Variants in CDKAL1 observed in about 807,000 individuals in gnomAD.
CDKAL1 encodes CDKAL1 threonylcarbamoyladenosine tRNA methylthiotransferase.
In CDKAL1, 32 loss-of-function variants were observed where a neutral mutation model predicts 68.2. The observed-to-expected ratio is 0.47, with a 90% confidence interval of 0.35 to 0.63. The LOEUF (loss-of-function observed/expected upper bound fraction) is 0.63, where lower values mean the gene tolerates loss of function less well. Ranked by LOEUF, CDKAL1 falls within the 30% of genes least tolerant of loss-of-function variation. The probability of loss-of-function intolerance (pLI) is 0.00; values close to 1 mark genes in which losing one functional copy is unlikely to be tolerated. For synonymous variants in CDKAL1, 234 were observed against 244.3 expected (o/e 0.96, Z 0.39); for missense variants, 606 against 696.7 (o/e 0.87, Z 1.47).
intron 9 of CDKAL1, among the ~76,000 whole-genome samples, chr6:20,853,032 A>T (rs1170033472): frequency 6.6e-6 from 1 of 152,240 alleles, no homozygotes; most frequent in African/African-American, 2.4e-5. Flanking sequence ...CCCTTGTAGC[A>T]TGAAAGCAGC....
At chr6:21,117,097 AC>A (rs1774450861) in intron 13 of CDKAL1, among the ~76,000 whole-genome samples, 1 of 151,884 alleles carries the variant, frequency 6.6e-6, no homozygotes, top group Non-Finnish European at 1.5e-5. Flanking sequence ...CTTGATACAT[AC>A]CCTGCCCCAA....
chr6:20,694,299 TC>T (rs1771018045), intron 5 of CDKAL1, among the ~76,000 whole-genome samples: 1 of 152,162 alleles, frequency 6.6e-6, no homozygotes, highest in African/African-American at 2.4e-5. Context: ...TGCCTCGGCC[TC>T]CCAAAGTGCT....
intron 6 of CDKAL1, among the ~76,000 whole-genome samples, chr6:20,754,352 G>A (rs1356569651): frequency 6.6e-6 from 1 of 151,928 alleles, no homozygotes; most frequent in African/African-American, 2.4e-5. Flanking sequence ...TTTCAGTAGT[G>A]GTAAACTACA....
intron 13 of CDKAL1, among the ~76,000 whole-genome samples, chr6:21,109,186 C>T (rs184031921): frequency 6.6e-6 from 1 of 152,304 alleles, no homozygotes; most frequent in Non-Finnish European, 1.5e-5. Flanking sequence ...AAATAGATTA[C>T]AAGGTTTCAG....
At chr6:20,951,929 C>T (rs1764542466) in intron 9 of CDKAL1, among the ~76,000 whole-genome samples, 1 of 148,668 alleles carries the variant, frequency 6.7e-6, no homozygotes. Flanking sequence ...TATCTTAGTT[C>T]TTCCTGCTTT....
chr6:20,884,725 C>G (rs1470475816), intron 9 of CDKAL1, among the ~76,000 whole-genome samples: 1 of 152,130 alleles, frequency 6.6e-6, no homozygotes. Flanking sequence ...CAATCATAAT[C>G]AATCTGAAAA....
At chr6:20,820,035 G>A (rs1777212195) in intron 8 of CDKAL1, among the ~76,000 whole-genome samples, 3 of 152,078 alleles carry the variant, frequency 2.0e-5, no homozygotes, top group Non-Finnish European at 1.5e-5. Flanking sequence ...CACTTTGCAT[G>A]GCTGAAGTCT....
chr6:20,536,566 T>C (rs1428821844), intron 2 of CDKAL1, among the ~76,000 whole-genome samples: 1 of 152,230 alleles, frequency 6.6e-6, no homozygotes, highest in African/African-American at 2.4e-5. Flanking sequence ...AGGTGGTTTT[T>C]ATGAAAGAAT....
At chr6:20,616,739 C>G (rs1320879826) in intron 4 of CDKAL1, among the ~76,000 whole-genome samples, 1 of 151,918 alleles carries the variant, frequency 6.6e-6, no homozygotes, top group East Asian at 1.9e-4. Flanking sequence ...AGCAGTGGCT[C>G]ATGCCTGTAA....
At chr6:20,963,207 TC>T (rs1765140128) in intron 10 of CDKAL1, among the ~76,000 whole-genome samples, 1 of 152,018 alleles carries the variant, frequency 6.6e-6, no homozygotes, top group African/African-American at 2.4e-5. Context: ...AAATGCTACT[TC>T]CCCTTAGCAA....
chr6:21,048,289 T>C (rs919606007), intron 11 of CDKAL1, among the ~76,000 whole-genome samples: 8 of 152,206 alleles, frequency 5.3e-5, no homozygotes, highest in African/African-American at 1.9e-4. Flanking sequence ...ATTTGGCACA[T>C]GGGTTGTAGT....
intron 5 of CDKAL1, chr6:20,723,655 T>G (rs1333792824): frequency 1.2e-5 from 2 of 171,742 alleles, no homozygotes; most frequent in Non-Finnish European, 2.5e-5. Context: ...ATGTTCACCA[T>G]GTTTATAGGA....
chr6:20,774,070 C>G (rs2150365973), intron 7 of CDKAL1, among the ~76,000 whole-genome samples: 1 of 152,160 alleles, frequency 6.6e-6, no homozygotes, highest in South Asian at 2.1e-4. Flanking sequence ...AACCAACAAG[C>G]CTTGGCATGA....
chr6:21,157,016 G>T (rs892857301), intron 13 of CDKAL1, among the ~76,000 whole-genome samples: 4 of 152,032 alleles, frequency 2.6e-5, no homozygotes, highest in Non-Finnish European at 4.4e-5. Context: ...CTTTTTCTGC[G>T]CCATATTCTT....
At chr6:20,535,967 T>C (rs1037499867) in intron 2 of CDKAL1, among the ~76,000 whole-genome samples, 1 of 152,216 alleles carries the variant, frequency 6.6e-6, no homozygotes, top group African/African-American at 2.4e-5. Flanking sequence ...GGCTTCCCTA[T>C]GCCACCCAGG....
chr6:21,178,172 A>T (rs1777659973), intron 13 of CDKAL1, among the ~76,000 whole-genome samples: 2 of 152,206 alleles, frequency 1.3e-5, no homozygotes, highest in Non-Finnish European at 2.9e-5. Flanking sequence ...AGGGGCAATC[A>T]TATAGTATCC....
intron 12 of CDKAL1, among the ~76,000 whole-genome samples, chr6:21,091,664 A>G (rs1773013170): frequency 6.6e-6 from 1 of 152,058 alleles, no homozygotes; most frequent in African/African-American, 2.4e-5. Flanking sequence ...GCCTATATGG[A>G]TATCAAATGC....
intron 5 of CDKAL1, among the ~76,000 whole-genome samples, chr6:20,661,183 A>T (rs1396129341): frequency 6.6e-6 from 1 of 152,208 alleles, no homozygotes; most frequent in African/African-American, 2.4e-5. Context: ...TGAAGGCCAA[A>T]TTTCTCTAAA....
chr6:20,899,563 G>T (rs948155811), intron 9 of CDKAL1, among the ~76,000 whole-genome samples: 10 of 152,156 alleles, frequency 6.6e-5, no homozygotes, highest in African/African-American at 2.4e-4. Context: ...TTATTCTCTG[G>T]TTGGGTGTGG....
Sources: gnomAD v4.1 joint callset for allele counts (sites outside exome capture counted in the v4.1 genomes callset) on GRCh38, gnomAD v4.1.1 for gene constraint, MANE v1.5 for transcripts, NCBI Gene and HGNC (gene_info 2026-07-23, HGNC 2026-07-21) for gene names.